Variants in C5 observed in about 807,000 individuals in gnomAD.
C5 encodes complement C5, also known as C3 and PZP-like alpha-2-macroglobulin domain-containing protein 4.
In C5, 140 loss-of-function variants were observed where a neutral mutation model predicts 218.8. The observed-to-expected ratio is 0.64, with a 90% CI of 0.56 to 0.74. C5 has a LOEUF of 0.74. C5 is among the 30% of genes least tolerant of loss of function. The pLI, the probability that C5 is intolerant of heterozygous loss-of-function variation, is 0.00. For missense variants in C5, 1,700 were observed against 1,969.6 expected (o/e 0.86, Z 2.59); for synonymous variants, 614 against 682.3 (o/e 0.90, Z 1.56).
At chr9:120,992,875 C>T (rs1033496603) in intron 22 of C5, among the ~76,000 whole-genome samples, 1 of 152,174 alleles carries the variant, frequency 6.6e-6, no homozygotes, top group African/African-American at 2.4e-5. Context: ...GATTTGACTA[C>T]ATCAGAATAA....
Position 121,008,489 on chromosome 9 carries a change from G to A in C5, c.2267C>T (p.Thr756Ile), listed in dbSNP as rs1456300999. Residue 756 changes from threonine to isoleucine, a missense_variant, in exon 18 of 41, where the codon ACC (threonine) becomes ATC (isoleucine). Thr to Ile is a moderately conservative substitution (Grantham distance 89, BLOSUM62 -1). Transcript: ENST00000223642. ...DMQLGRLHMKTLLPVSKPEIR... is the reference protein window; with the variant it reads ...DMQLGRLHMKILLPVSKPEIR... The stretch of plus-strand genomic sequence containing the variant: ...TTCTGGCTTGCTTACTGGTAACAGG[G>A]TCTTCATGTCTGGACAAAAAAATCA... 9 of 1,611,418 alleles carry A rather than the reference G, an allele frequency of 5.6e-6. No individual in the cohort carries two copies. The East Asian group carries it at 1.6e-4, about 28-fold the overall frequency.
At chr9:120,984,947 C>A (rs1298999454) in intron 25 of C5, among the ~76,000 whole-genome samples, 3 of 151,918 alleles carry the variant, frequency 2.0e-5, no homozygotes, top group Non-Finnish European at 4.4e-5. Context: ...GTCTCAAACT[C>A]CTGACCTCAG....
At chr9:121,062,490 C>T in the C5 span, among the ~76,000 whole-genome samples, 1 of 152,152 alleles carries the variant, frequency 6.6e-6, no homozygotes, top group Non-Finnish European at 1.5e-5. Context: ...GTAGCTAAGT[C>T]AGGAGTAAAC....
chr9:121,025,393 G>T, intron 9 of C5, 61 bp downstream of exon 9: 2 of 1,428,482 alleles, frequency 1.4e-6, no homozygotes, highest in Non-Finnish European at 1.9e-6. Flanking sequence ...TTAATATTCT[G>T]TCTAAATATT....
intron 25 of C5, 63 bp downstream of exon 25, chr9:120,988,983 T>C (rs774136552): frequency 1.8e-5 from 21 of 1,187,570 alleles, no homozygotes; most frequent in Admixed American, 3.4e-5. Flanking sequence ...GTTTCCATTA[T>C]GGTTATTATT....
chr9:121,033,158 G>T (rs147444566), intron 5 of C5, among the ~76,000 whole-genome samples: 36 of 152,004 alleles, frequency 2.4e-4, no homozygotes, highest in Non-Finnish European at 4.7e-4. Context: ...TTATAATAAT[G>T]ATTATTACCA....
At chr9:120,983,310 A>C (rs1015637345) in intron 25 of C5, among the ~76,000 whole-genome samples, 2 of 152,182 alleles carry the variant, frequency 1.3e-5, no homozygotes, top group East Asian at 3.9e-4. Flanking sequence ...TTACTACCCC[A>C]CAGGAAATTT....
intron 5 of C5, among the ~76,000 whole-genome samples, chr9:121,033,114 A>G (rs187324726): frequency 8.5e-5 from 13 of 152,230 alleles, no homozygotes; most frequent in African/African-American, 3.1e-4. Context: ...CCTACCTTGC[A>G]GATTGGCTAT....
At chr9:121,043,785 T>C (rs2047601963) in intron 2 of C5, among the ~76,000 whole-genome samples, 2 of 147,684 alleles carry the variant, frequency 1.4e-5, no homozygotes. Context: ...TGGCCTCAAG[T>C]GATCCACCTG....
chr9:120,974,591 C>A (rs2046938318), intron 30 of C5, among the ~76,000 whole-genome samples, 188 bp downstream of exon 30: 1 of 152,200 alleles, frequency 6.6e-6, no homozygotes, highest in Admixed American at 6.5e-5. Context: ...CTGCACTACG[C>A]TGATTGTTTG....
At chr9:121,021,719 T>G in intron 10 of C5, 25 bp from the exon 11 acceptor site, 2 of 1,566,428 alleles carry the variant, frequency 1.3e-6, no homozygotes, top group Non-Finnish European at 1.8e-6. Flanking sequence ...AATCCAAATC[T>G]ATTTCAACAG....
At chr9:120,973,119 C>T (rs2046927077) in intron 30 of C5, among the ~76,000 whole-genome samples, 1 of 152,190 alleles carries the variant, frequency 6.6e-6, no homozygotes, top group African/African-American at 2.4e-5. Context: ...AACCACCTAA[C>T]ACTCTTTCAT....
chr9:121,058,514 CT>C, the C5 span, among the ~76,000 whole-genome samples: 5 of 152,202 alleles, frequency 3.3e-5, no homozygotes, highest in Admixed American at 1.3e-4. Flanking sequence ...TCTCAGTTCA[CT>C]GCAACCTCTG....
At chr9:121,013,377 G>C (rs1010033642) in intron 17 of C5, among the ~76,000 whole-genome samples, 1 of 150,698 alleles carries the variant, frequency 6.6e-6, no homozygotes, top group African/African-American at 2.4e-5. Context: ...ACATGTTAAT[G>C]AGAGTTCTAT....
chr9:120,965,149 T>A (rs1355050012), intron 33 of C5, among the ~76,000 whole-genome samples: 1 of 152,106 alleles, frequency 6.6e-6, no homozygotes, highest in Non-Finnish European at 1.5e-5. Flanking sequence ...GGTATGAATG[T>A]TGGTGGAAGA....
intron 5 of C5, among the ~76,000 whole-genome samples, chr9:121,033,061 T>C (rs1189884729): frequency 6.7e-6 from 1 of 149,620 alleles, no homozygotes; most frequent in African/African-American, 2.4e-5. Flanking sequence ...TATGTGTGTA[T>C]ACACACATAT....
intron 1 of C5, among the ~76,000 whole-genome samples, chr9:121,049,628 G>A (rs2047656516): frequency 6.6e-6 from 1 of 152,118 alleles, no homozygotes; most frequent in African/African-American, 2.4e-5. Context: ...GGTTTGATTA[G>A]ATGATCTGCA....
Position 120,976,792 on chromosome 9 carries a change from T to G in C5, c.3772A>C (p.Ser1258Arg), listed in dbSNP as rs202117985. 6.8e-6 allele frequency: 11 copies of G among 1,614,028 alleles called. No individual in the cohort carries two copies. The highest frequency in any genetic ancestry group is 9.3e-6 in the Non-Finnish European group (11 of 1,179,978). The change falls in exon 29 of 41, where the codon AGT becomes CGT. Residue 1258 changes from serine (S) to arginine (R), a missense_variant. By Grantham distance (110) the Ser-to-Arg change is moderately radical. Transcript: ENST00000223642. ...TAATTTATATCTTTCAAGTTCAGAC[T>G]GGTGAGTAAAGCATAGGCAGTTGTT... ...VETTAYALLTSLNLKDINYVN... is the reference protein window; with the variant it reads ...VETTAYALLTRLNLKDINYVN...
intron 38 of C5, among the ~76,000 whole-genome samples, chr9:120,959,014 T>C (rs1357896230): frequency 6.6e-6 from 1 of 152,042 alleles, no homozygotes; most frequent in African/African-American, 2.4e-5. Flanking sequence ...CTAGAACCCC[T>C]GAGCTCAAAG....
Sources: allele counts gnomAD v4.1 joint callset (sites outside exome capture counted in the v4.1 genomes callset), GRCh38; gene constraint gnomAD v4.1.1; transcripts MANE v1.5; gene names NCBI Gene and HGNC (gene_info 2026-07-23, HGNC 2026-07-21).